The following PIK3CB variants were observed in gnomAD, a reference collection of about 807,000 sequenced individuals.
PIK3CB encodes phosphatidylinositol-4,5-bisphosphate 3-kinase catalytic subunit beta.
Under a neutral mutation model 136.8 loss-of-function variants are expected in PIK3CB, and 39 were observed. The ratio of observed to expected loss-of-function variants is 0.29; its 90% confidence interval spans 0.22 to 0.37. The LOEUF (loss-of-function observed/expected upper bound fraction) is 0.37. PIK3CB is among the 10% of genes least tolerant of loss of function. The pLI is 1.00. For missense variants in PIK3CB, 868 were observed against 1,275.4 expected, an observed-to-expected ratio of 0.68 and a Z score of 4.87; for synonymous variants, 428 against 436.6, an observed-to-expected ratio of 0.98 and a Z score of 0.25.
intron 8 of PIK3CB, among the ~76,000 whole-genome samples, chr3:138,731,029 T>C (rs1228553079): frequency 1.3e-5 from 2 of 152,150 alleles, no homozygotes; most frequent in Admixed American, 1.3e-4. Flanking sequence ...AGTGAATAAA[T>C]CAAGTTATAG....
chr3:138,795,225 C>G (rs1486790605), intron 2 of PIK3CB, among the ~76,000 whole-genome samples: 1 of 150,188 alleles, frequency 6.7e-6, no homozygotes, highest in East Asian at 2.0e-4. Context: ...GAGACTGAGG[C>G]AGGAGAATCA....
chr3:138,825,829 T>C, intron 1 of PIK3CB: 1 of 1,156,872 alleles, frequency 8.6e-7, no homozygotes, highest in Non-Finnish European at 1.3e-6. Context: ...AAATGCACCA[T>C]GAAGCTTTGG....
At chr3:138,819,927 T>C (rs1933485893) in intron 1 of PIK3CB, among the ~76,000 whole-genome samples, 2 of 152,178 alleles carry the variant, frequency 1.3e-5, no homozygotes, top group South Asian at 2.1e-4. Context: ...TAAGCTGAGA[T>C]TGTGCCACTG....
At chr3:138,811,487 G>A (rs546428716) in intron 1 of PIK3CB, among the ~76,000 whole-genome samples, 31 of 149,510 alleles carry the variant, frequency 2.1e-4, no homozygotes, top group Non-Finnish European at 4.3e-4. Flanking sequence ...GTGCAATGGC[G>A]CAATCTCGGC....
intron 12 of PIK3CB, among the ~76,000 whole-genome samples, chr3:138,702,547 G>A (rs958125764): frequency 2.0e-5 from 3 of 152,130 alleles, no homozygotes; most frequent in African/African-American, 7.2e-5. Context: ...TGAGGTTCAA[G>A]GAGCAATATT....
At position 138,657,478 on chromosome 3, in the gene PIK3CB, T is replaced by C. The variant is rs1577034876; in HGVS notation, c.2942+212A>G. 2.0e-5 allele frequency: 10 copies of C among 502,664 alleles called. No individual in the cohort carries two copies. In the East Asian group the frequency reaches 3.0e-4, roughly 15 times the overall value. 31.1% of individuals were successfully genotyped at this position (502,664 alleles called of 1,614,324 possible). A position where few individuals can be genotyped will look rare whatever the true frequency, so the allele number is the denominator to read the frequency against. On this transcript the variant is annotated intron_variant, in intron 22 of 23. Coordinates refer to ENST00000674063, the MANE Select transcript of PIK3CB (RefSeq NM_006219.3). ...AGTATATTATTGGAATAAAATATAA[T>C]AATTATTTTAAATTTCTAGCATTCT...
intron 4 of PIK3CB, among the ~76,000 whole-genome samples, chr3:138,754,407 A>G (rs1411814399): frequency 6.6e-6 from 1 of 152,122 alleles, no homozygotes; most frequent in African/African-American, 2.4e-5. Flanking sequence ...GTACCACTGC[A>G]CTCTAGCCTG....
At chr3:138,692,043 A>T (rs2044020933) in intron 14 of PIK3CB, among the ~76,000 whole-genome samples, 1 of 152,208 alleles carries the variant, frequency 6.6e-6, no homozygotes, top group African/African-American at 2.4e-5. Flanking sequence ...CATTGAAATA[A>T]TATAACAGAT....
intron 2 of PIK3CB, among the ~76,000 whole-genome samples, chr3:138,761,393 A>T (rs2045660037): frequency 6.6e-6 from 1 of 152,256 alleles, no homozygotes; most frequent in South Asian, 2.1e-4. Flanking sequence ...AGGAGGAAGA[A>T]GATGGTGGAA....
At chr3:138,704,188 G>T (rs2108548199) in intron 12 of PIK3CB, among the ~76,000 whole-genome samples, 1 of 152,252 alleles carries the variant, frequency 6.6e-6, no homozygotes, top group South Asian at 2.1e-4. Context: ...AATCTATGAG[G>T]TGCCACAGAA....
In PIK3CB at chr3:138,810,675, T is replaced by C. The variant is rs572615582; in HGVS notation, c.-121-14108A>G. Reference sequence around the variant, plus strand: ...GGCTCACGCCTGTAATCCCAGCACTTTGGGAGGCCAAGGTGGATGGATCAC... The same window carrying C: ...GGCTCACGCCTGTAATCCCAGCACTCTGGGAGGCCAAGGTGGATGGATCAC... On this transcript the variant is annotated intron_variant, in intron 1 of 23. Coordinates refer to ENST00000674063, the MANE Select transcript of PIK3CB (RefSeq NM_006219.3). 3.4e-5 allele frequency among the ~76,000 whole-genome samples: 5 copies of C among 148,598 alleles called. No homozygotes were observed. In the South Asian group the frequency reaches 8.7e-4, roughly 26 times the overall value.
intron 1 of PIK3CB, among the ~76,000 whole-genome samples, chr3:138,815,037 G>A (rs1313533393): frequency 6.6e-6 from 1 of 150,724 alleles, no homozygotes; most frequent in Non-Finnish European, 1.5e-5. Context: ...CTACTCAGGA[G>A]GCTGAGGCAG....
At chr3:138,789,786 T>A (rs1339146090) in intron 2 of PIK3CB, among the ~76,000 whole-genome samples, 1 of 148,570 alleles carries the variant, frequency 6.7e-6, no homozygotes, top group Non-Finnish European at 1.5e-5. Context: ...CCTCCTGGAC[T>A]CAGGGGTGAT....
chr3:138,704,551 T>A (rs1432659033), intron 11 of PIK3CB, 58 bp from the exon 12 acceptor site: 32 of 1,046,944 alleles, frequency 3.1e-5, no homozygotes, highest in Non-Finnish European at 3.9e-5. Flanking sequence ...GAATTTTAAG[T>A]GTAAATGACT....
At chr3:138,669,150 G>A (rs184011483) in intron 19 of PIK3CB, among the ~76,000 whole-genome samples, 4 of 152,212 alleles carry the variant, frequency 2.6e-5, no homozygotes, top group South Asian at 2.1e-4. Context: ...GGTGGCTCAC[G>A]CCTGTAATCC....
chr3:138,739,215 G>A (rs537479944), intron 5 of PIK3CB, among the ~76,000 whole-genome samples: 1 of 152,272 alleles, frequency 6.6e-6, no homozygotes, highest in Non-Finnish European at 1.5e-5. Context: ...GGAGGCCGAG[G>A]TGGGCAGATA....
intron 5 of PIK3CB, among the ~76,000 whole-genome samples, chr3:138,739,281 T>C (rs2045185657): frequency 1.3e-5 from 2 of 151,600 alleles, no homozygotes; most frequent in Admixed American, 1.3e-4. Flanking sequence ...CTGTCTCTAC[T>C]AAAAATACAA....
At chr3:138,776,877 C>T (rs1265593690) in intron 2 of PIK3CB, among the ~76,000 whole-genome samples, 1 of 129,226 alleles carries the variant, frequency 7.7e-6, no homozygotes, top group African/African-American at 3.1e-5. Flanking sequence ...GAGCTGAGAT[C>T]ATGCTACTGC....
intron 1 of PIK3CB, among the ~76,000 whole-genome samples, chr3:138,799,845 T>C (rs1290799864): frequency 6.6e-6 from 1 of 151,792 alleles, no homozygotes; most frequent in African/African-American, 2.4e-5. Flanking sequence ...GCCTGCCTAA[T>C]TTTTGTTATT....
Sources: gnomAD v4.1 joint callset for allele counts (sites outside exome capture counted in the v4.1 genomes callset) on GRCh38, gnomAD v4.1.1 for gene constraint, MANE v1.5 for transcripts, NCBI Gene and HGNC (gene_info 2026-07-23, HGNC 2026-07-21) for gene names.